Variants in GRHL2 observed in about 807,000 individuals in gnomAD.
GRHL2 encodes grainyhead like transcription factor 2.
A neutral mutation model predicts 83.8 loss-of-function variants in GRHL2; 21 were observed. The ratio of observed to expected loss-of-function variants is 0.25; its 90% CI spans 0.18 to 0.36. The LOEUF (loss-of-function observed/expected upper bound fraction) is 0.36. GRHL2 is among the 10% of genes least tolerant of loss of function. GRHL2 has a pLI of 1.00. For synonymous variants in GRHL2, 280 were observed against 278.9 expected (o/e 1.00, Z -0.04); for missense variants, 623 against 781.8 (o/e 0.80, Z 2.42).
At chr8:101,542,620 C>G (rs1215319607) in intron 1 of GRHL2, among the ~76,000 whole-genome samples, 1 of 151,824 alleles carries the variant, frequency 6.6e-6, no homozygotes, top group African/African-American at 2.4e-5. Context: ...ATACAGAGCT[C>G]TGAGTTTGAA....
In GRHL2 at chr8:101,492,675, C is replaced by A; in HGVS notation, c.-95C>A. On this transcript the variant is annotated 5_prime_UTR_variant, in exon 1 of 16. Transcript: ENST00000646743. ...GTAGCTCTTGTTCTGCCATCTCGGG[C>A]GCTCTCACACACCTTCACCTGCACA... The A allele has an allele frequency of 1.0e-6, 1 of 984,408 alleles. No individual in the cohort carries two copies. The highest frequency in any genetic ancestry group is 1.7e-6 in the Non-Finnish European group (1 of 604,246). The allele number at this position is 984,408 out of a possible 1,614,324, so 61.0% of individuals were successfully genotyped here.
intron 4 of GRHL2, among the ~76,000 whole-genome samples, chr8:101,565,694 T>C: frequency 6.6e-6 from 1 of 152,214 alleles, no homozygotes; most frequent in East Asian, 1.9e-4. Flanking sequence ...TCTCACATTT[T>C]GTTGGCTAGA....
intron 7 of GRHL2, among the ~76,000 whole-genome samples, chr8:101,592,122 T>TTTTTG (rs1812299526): frequency 6.8e-6 from 1 of 147,616 alleles, no homozygotes. Context: ...TTTTTTTTTT[T>TTTTTG]GAGACAGAGT....
chr8:101,590,484 C>A (rs1490282604), intron 7 of GRHL2, among the ~76,000 whole-genome samples: 1 of 152,138 alleles, frequency 6.6e-6, no homozygotes, highest in East Asian at 1.9e-4. Flanking sequence ...ATGGGAGGTG[C>A]AAAGTGGAGA....
intron 8 of GRHL2, among the ~76,000 whole-genome samples, chr8:101,618,087 G>A (rs1174269314): frequency 6.6e-6 from 1 of 152,102 alleles, no homozygotes; most frequent in African/African-American, 2.4e-5. Context: ...ATAATATAGT[G>A]TGCCTGGATC....
intron 5 of GRHL2, among the ~76,000 whole-genome samples, chr8:101,573,229 C>A (rs997845044): frequency 2.7e-5 from 4 of 145,908 alleles, no homozygotes; most frequent in South Asian, 2.2e-4. Flanking sequence ...ATCTGTAACA[C>A]CTTGGTTAGA....
In GRHL2 at chr8:101,607,030, G is replaced by A. The variant is rs186280763; in HGVS notation, c.1098+7879G>A. Reference sequence around the variant, plus strand: ...TGAAAAATGTTATGCTAATTGAAAGGCTGGCTTGTATTCGGTACCAAATCA... The same window carrying A: ...TGAAAAATGTTATGCTAATTGAAAGACTGGCTTGTATTCGGTACCAAATCA... On this transcript the variant is annotated intron_variant, in intron 8 of 15. Coordinates refer to ENST00000646743, the MANE Select transcript of GRHL2 (RefSeq NM_024915.4). 9.2e-5 allele frequency among the ~76,000 whole-genome samples: 14 copies of A among 152,288 alleles called. No homozygotes were observed. In the South Asian group the frequency reaches 2.7e-3, roughly 29 times the overall value.
At chr8:101,583,835 T>C (rs777197714) in intron 7 of GRHL2, among the ~76,000 whole-genome samples, 7 of 152,228 alleles carry the variant, frequency 4.6e-5, no homozygotes, top group Non-Finnish European at 1.0e-4. Flanking sequence ...ATTAACTTCA[T>C]AGAGTGAAAG....
chr8:101,565,202 G>A (rs1300810262), intron 4 of GRHL2, among the ~76,000 whole-genome samples: 2 of 152,058 alleles, frequency 1.3e-5, no homozygotes, highest in Non-Finnish European at 2.9e-5. Context: ...CCACTAATAA[G>A]CAAAGAGTAT....
At chr8:101,573,991 T>A (rs1205958884) in intron 6 of GRHL2, 167 bp downstream of exon 6, 1 of 753,548 alleles carries the variant, frequency 1.3e-6, no homozygotes, top group Non-Finnish European at 2.2e-6. Flanking sequence ...TCGTAGTTGA[T>A]CATTGTAATC....
chr8:101,520,685 A>C lies in GRHL2; in HGVS notation c.21-22556A>C, dbSNP rs558320726. On this transcript the variant is annotated intron_variant, in intron 1 of 15. Coordinates refer to ENST00000646743, the MANE Select transcript of GRHL2 (RefSeq NM_024915.4). ...AGTACCCTGTGCACTTAGCATACAA[A>C]ATGTAAAATCCTAAAAGTGAATTAC... is the stretch of plus-strand genomic sequence containing the variant. 4.6e-5 allele frequency among the ~76,000 whole-genome samples: 7 copies of C among 152,234 alleles called. No homozygotes were observed. The South Asian group carries it at 8.3e-4, about 18-fold the overall frequency.
intron 1 of GRHL2, among the ~76,000 whole-genome samples, chr8:101,497,755 A>G (rs548505728): frequency 3.8e-4 from 58 of 152,376 alleles, no homozygotes; most frequent in African/African-American, 1.3e-3. Context: ...GTTAGTTTAC[A>G]TAATAGATGC....
chr8:101,625,296 G>A (rs187217233), intron 9 of GRHL2, among the ~76,000 whole-genome samples: 128 of 152,048 alleles, frequency 8.4e-4, no homozygotes, highest in Non-Finnish European at 1.2e-3. Flanking sequence ...GAGAGACAGG[G>A]ATTAAGGATT....
chr8:101,646,005 C>G (rs891662735), intron 13 of GRHL2, among the ~76,000 whole-genome samples: 11 of 152,168 alleles, frequency 7.2e-5, no homozygotes, highest in African/African-American at 2.7e-4. Context: ...TCCTGAGTAG[C>G]TGGGACCACA....
intron 3 of GRHL2, among the ~76,000 whole-genome samples, chr8:101,555,217 G>T (rs1167161290): frequency 3.9e-5 from 6 of 152,166 alleles, no homozygotes; most frequent in African/African-American, 1.4e-4. Context: ...AGCCTGGGGT[G>T]GAAACTGGGT....
intron 4 of GRHL2, among the ~76,000 whole-genome samples, chr8:101,568,433 C>T (rs1811758849): frequency 6.6e-6 from 1 of 152,220 alleles, no homozygotes; most frequent in Non-Finnish European, 1.5e-5. Flanking sequence ...TTCCAAGGGT[C>T]AGAGCGAAGC....
At chr8:101,673,994 G>A (rs1814251181), downstream of GRHL2, among the ~76,000 whole-genome samples, 1 of 152,060 alleles carries the variant, frequency 6.6e-6, no homozygotes, top group African/African-American at 2.4e-5. Context: ...AAATAAAGAT[G>A]TTCTTTGAAA....
chr8:101,666,563 T>C, intron 15 of GRHL2, 26 bp from the exon 16 acceptor site: 2 of 1,418,524 alleles, frequency 1.4e-6, no homozygotes, highest in South Asian at 2.3e-5. Context: ...TCTTTGTTTT[T>C]CACACCCCTC....
At chr8:101,671,310 C>T (rs1814204032), downstream of GRHL2, among the ~76,000 whole-genome samples, 1 of 152,172 alleles carries the variant, frequency 6.6e-6, no homozygotes, top group Non-Finnish European at 1.5e-5. Context: ...AAAATCCCAC[C>T]CTAATACTGT....
Sources: gnomAD v4.1 joint callset for allele counts (sites outside exome capture counted in the v4.1 genomes callset) on GRCh38, gnomAD v4.1.1 for gene constraint, MANE v1.5 for transcripts, NCBI Gene and HGNC (gene_info 2026-07-23, HGNC 2026-07-21) for gene names.